Variants in TRIO observed in about 807,000 individuals in gnomAD.
TRIO encodes triple functional domain protein.
TRIO carries 58 observed loss-of-function variants against 351.9 expected under a neutral mutation model. The ratio of observed to expected loss-of-function variants is 0.16; its 90% CI spans 0.13 to 0.21. TRIO has a LOEUF of 0.21. Among genes scored for constraint, TRIO ranks in the 10% least tolerant of loss-of-function variants. The probability of loss-of-function intolerance (pLI) is 1.00; values close to 1 mark genes in which losing one functional copy is unlikely to be tolerated. For synonymous variants in TRIO, 1,758 were observed against 1,595.7 expected, an observed-to-expected ratio of 1.10 and a Z score of -2.42; for missense variants, 3,201 against 4,027.8, an observed-to-expected ratio of 0.79 and a Z score of 5.56.
At chr5:14,203,421 CACAGTATTT>C (rs1230337277) in intron 1 of TRIO, among the ~76,000 whole-genome samples, 2 of 152,206 alleles carry the variant, frequency 1.3e-5, no homozygotes, top group Non-Finnish European at 2.9e-5. Context: ...TCATCATTCT[CACAGTATTT>C]TTAGAATCAA....
At chr5:14,494,654 T>G (rs943744277) in intron 49 of TRIO, among the ~76,000 whole-genome samples, 3 of 152,106 alleles carry the variant, frequency 2.0e-5, no homozygotes, top group Non-Finnish European at 4.4e-5. Flanking sequence ...ATCCCAGCAC[T>G]TTGGGAAGCC....
rs1470578179 is a variant in TRIO, at chr5:14,487,938, C to T, written c.7310C>T (p.Ala2437Val). 3.2e-6 allele frequency: 5 copies of T among 1,543,600 alleles called. No individual in the cohort carries two copies. Among genetic ancestry groups the T allele is most frequent in the Non-Finnish European group, 4.4e-6 (5 of 1,144,636 alleles). Residue 2437 changes from alanine (A) to valine (V), a missense_variant, in exon 48 of 57, where the codon GCG becomes GTG. This residue lies in a region of TRIO where 1,089 missense variants were observed against 954.9 expected (regional missense o/e 1.14). Transcript: ENST00000344204. Reference sequence around the variant, plus strand: ...AGCCCAGACGCCCCCGCCAAGGACGCGCGCGCTAGCCTGGGCACCCTGCCG... The same window carrying T: ...AGCCCAGACGCCCCCGCCAAGGACGTGCGCGCTAGCCTGGGCACCCTGCCG... ...GSSPDAPAKD[A>V]RASLGTLPLG...
intron 9 of TRIO, among the ~76,000 whole-genome samples, chr5:14,330,207 T>C (rs994503218): frequency 6.6e-6 from 1 of 152,232 alleles, no homozygotes; most frequent in Non-Finnish European, 1.5e-5. Flanking sequence ...TTTTAAGTAA[T>C]TAAATTCATG....
At position 14,288,921 on chromosome 5, in the gene TRIO, T is replaced by C. The variant is rs577994109; in HGVS notation, c.541-1795T>C. 1.6e-3 allele frequency among the ~76,000 whole-genome samples: 239 copies of C among 152,298 alleles called. 1 individual carries two copies. Among genetic ancestry groups the C allele is most frequent in the African/African-American group, 5.4e-3 (226 of 41,560 alleles). On this transcript the variant is annotated intron_variant, in intron 4 of 56. Coordinates refer to ENST00000344204, the MANE Select transcript of TRIO (RefSeq NM_007118.4). ...TTGAGGCATATTAATATTAATCTGC[T>C]TCACATCATGATAAGGTGAGGTTAA...
At chr5:14,423,990 C>CT (rs1239345358) in intron 34 of TRIO, among the ~76,000 whole-genome samples, 48 of 144,420 alleles carry the variant, frequency 3.3e-4, no homozygotes, top group Non-Finnish European at 3.4e-4. Context: ...CTACAGTGAG[C>CT]TATGATCAAA....
rs570837192 is a variant in TRIO, at chr5:14,272,864, G to T, written c.232+1965G>T. On this transcript the variant is annotated intron_variant, in intron 2 of 56. Coordinates refer to ENST00000344204, the MANE Select transcript of TRIO (RefSeq NM_007118.4). Reference sequence around the variant, plus strand: ...TAAGTAGAAATTGACTACTTGTGTTGTATTACATTTTTTGAAAATTACAAA... The same window carrying T: ...TAAGTAGAAATTGACTACTTGTGTTTTATTACATTTTTTGAAAATTACAAA... 5.9e-5 allele frequency among the ~76,000 whole-genome samples: 9 copies of T among 152,266 alleles called. 1 individual carries two copies. In the South Asian group the frequency reaches 1.7e-3, roughly 28 times the overall value.
At chr5:14,182,061 AT>A (rs1320172126) in intron 1 of TRIO, among the ~76,000 whole-genome samples, 1 of 151,712 alleles carries the variant, frequency 6.6e-6, no homozygotes, top group Non-Finnish European at 1.5e-5. Context: ...ATTTCATGTT[AT>A]TACTTTTGGT....
chr5:14,404,682 C>T (rs1044903821), intron 31 of TRIO, among the ~76,000 whole-genome samples: 4 of 152,152 alleles, frequency 2.6e-5, no homozygotes, highest in African/African-American at 9.7e-5. Flanking sequence ...CCTGCCCCCT[C>T]GCCAGAAGAC....
rs562317479 is a variant in TRIO at position 14,498,286 on chromosome 5, C to T, written c.8210+35C>T. On this transcript the variant is annotated intron_variant, in intron 52 of 56. Coordinates refer to ENST00000344204, the MANE Select transcript of TRIO (RefSeq NM_007118.4). Reference sequence around the variant, plus strand: ...GCCCACTCCTGGTGGGTTTCGCTGGCTGGGAGCACCATCTTGTCACTTGGC... The same window carrying T: ...GCCCACTCCTGGTGGGTTTCGCTGGTTGGGAGCACCATCTTGTCACTTGGC... The T allele has an allele frequency of 1.9e-6, 3 of 1,603,770 alleles. 1 individual carries two copies. In the South Asian group the frequency reaches 3.3e-5, roughly 18 times the overall value.
Position 14,143,612 on chromosome 5 carries a change from C to T in TRIO, c.-114C>T. On this transcript the variant is annotated 5_prime_UTR_variant, in exon 1 of 57. Transcript: ENST00000344204. ...CGCCCCGGGGCTCTGCGTCCGCGCGCCGGGCGCGGGCAGCTGGGTGCTCGG... is the reference window on the plus strand; with the variant it reads ...CGCCCCGGGGCTCTGCGTCCGCGCGTCGGGCGCGGGCAGCTGGGTGCTCGG... 1 of 303,258 alleles carries T rather than the reference C, an allele frequency of 3.3e-6. No homozygotes were observed. The highest frequency in any genetic ancestry group is 4.8e-6 in the Non-Finnish European group (1 of 209,240). 18.8% of individuals were successfully genotyped at this position (303,258 alleles called of 1,614,324 possible).
At chr5:14,507,074 C>T in intron 55 of TRIO, 48 bp from the exon 56 acceptor site, 1 of 1,531,520 alleles carries the variant, frequency 6.5e-7, no homozygotes. Flanking sequence ...CCAAAGAGGT[C>T]TTCAAAGCAA....
chr5:14,328,160 T>C (rs1740562933), intron 9 of TRIO, among the ~76,000 whole-genome samples: 2 of 152,146 alleles, frequency 1.3e-5, no homozygotes, highest in South Asian at 4.1e-4. Context: ...CCCAATACGC[T>C]AGTTAAAACA....
Position 14,451,389 on chromosome 5 carries a change from G to A in TRIO, c.5204-9630G>A, listed in dbSNP as rs200687569. Among the ~76,000 whole-genome samples the A allele has an allele frequency of 1.2e-4, 18 of 152,032 alleles. No individual in the cohort carries two copies. In the East Asian group the frequency reaches 3.1e-3, roughly 26 times the overall value. On this transcript the variant is annotated intron_variant, in intron 34 of 56. Coordinates refer to ENST00000344204, the MANE Select transcript of TRIO (RefSeq NM_007118.4). The stretch of plus-strand genomic sequence containing the variant: ...TGGAATTCAAATCCAGTTTGAAAGT[G>A]TAGAGATGACAATCATTTACTCAGA...
chr5:14,282,466 G>A (rs751227095), intron 3 of TRIO, among the ~76,000 whole-genome samples: 3 of 151,890 alleles, frequency 2.0e-5, no homozygotes, highest in Non-Finnish European at 4.4e-5. Flanking sequence ...TTGCTTTTTG[G>A]TCTTGAAACC....
intron 1 of TRIO, among the ~76,000 whole-genome samples, chr5:14,180,570 A>G (rs1205613051): frequency 2.0e-5 from 3 of 152,228 alleles, no homozygotes; most frequent in Non-Finnish European, 4.4e-5. Flanking sequence ...ACAATGGCTC[A>G]TGCCTGTCAT....
chr5:14,392,451 G>A (rs565365309), intron 27 of TRIO, among the ~76,000 whole-genome samples: 1 of 152,316 alleles, frequency 6.6e-6, no homozygotes, highest in Admixed American at 6.5e-5. Context: ...AGGCTGTGGA[G>A]AAATAGGAAT....
chr5:14,415,494 C>G (rs571126680), intron 33 of TRIO, among the ~76,000 whole-genome samples: 5 of 152,276 alleles, frequency 3.3e-5, no homozygotes, highest in Admixed American at 2.0e-4. Context: ...CGTGACAACT[C>G]GCAGTGTGAG....
chr5:14,302,351 C>T (rs1161926846), intron 7 of TRIO, among the ~76,000 whole-genome samples: 1 of 152,168 alleles, frequency 6.6e-6, no homozygotes, highest in Non-Finnish European at 1.5e-5. Context: ...TCCAGGAGCG[C>T]TTAATTGCTG....
intron 1 of TRIO, among the ~76,000 whole-genome samples, chr5:14,257,948 G>C (rs1795120229): frequency 6.6e-6 from 1 of 152,198 alleles, no homozygotes; most frequent in South Asian, 2.1e-4. Flanking sequence ...GTTAGCATTT[G>C]TTAGTGAGTT....
Sources: gnomAD v4.1 joint callset for allele counts (sites outside exome capture counted in the v4.1 genomes callset) on GRCh38, gnomAD v4.1.1 for gene constraint, gnomAD v4.1.1 regional missense constraint, MANE v1.5 for transcripts, NCBI Gene and HGNC (gene_info 2026-07-23, HGNC 2026-07-21) for gene names.